MAML1: variants seen among roughly 807,000 people sequenced by gnomAD.
MAML1 encodes mastermind like transcriptional coactivator 1.
MAML1 carries 14 observed loss-of-function variants against 77.1 expected under a neutral mutation model. The observed-to-expected ratio is 0.18, with a 90% confidence interval of 0.12 to 0.28. The LOEUF is 0.28. Ranked by LOEUF, MAML1 falls within the 10% of genes least tolerant of loss-of-function variation. The pLI is 1.00. For synonymous variants in MAML1, 516 were observed against 551.9 expected (o/e 0.93, Z 0.91); for missense variants, 1,217 against 1,327.8 (o/e 0.92, Z 1.30).
chr5:179,759,257 A>G (rs573144560), intron 1 of MAML1, among the ~76,000 whole-genome samples: 4 of 152,182 alleles, frequency 2.6e-5, no homozygotes, highest in Admixed American at 1.3e-4. Flanking sequence ...AGCAGACCCC[A>G]GCATTCAGAA....
intron 1 of MAML1, among the ~76,000 whole-genome samples, chr5:179,746,967 C>T (rs1044580048): frequency 2.6e-5 from 4 of 152,100 alleles, no homozygotes; most frequent in Non-Finnish European, 4.4e-5. Context: ...ATTTCCCAGC[C>T]GCCTACCCCT....
Position 179,733,324 on chromosome 5 carries a change from C to T in MAML1, c.212C>T (p.Ala71Val). ...TGCATCCAGGCCAAGGCCAAGCGCG[C>T]CGGGAAGCACAGGCAGCCGCCCGCC... is the stretch of plus-strand genomic sequence containing the variant. Reference protein sequence around the residue: ...QRCIQAKAKRAGKHRQPPAAT... With the variant: ...QRCIQAKAKRVGKHRQPPAAT... The change falls in exon 1 of 5, where the codon GCC (alanine) becomes GTC (valine). Residue 71 changes from alanine (A) to valine (V), a missense_variant. Ala to Val is a moderately conservative substitution (Grantham distance 64). Around this residue, in one of 3 missense-constraint regions of MAML1, gnomAD observed 312 missense variants for 331.4 expected, o/e 0.94. Coordinates refer to ENST00000292599, the MANE Select transcript of MAML1 (RefSeq NM_014757.5). The T allele has an allele frequency of 7.3e-7, 1 of 1,373,630 alleles. No individual in the cohort carries two copies. 85.1% of individuals were successfully genotyped at this position (1,373,630 alleles called of 1,614,324 possible).
Position 179,769,213 on chromosome 5 carries a change from G to A in MAML1, c.1971+124G>A, listed in dbSNP as rs1755914406. ...GCAGACTTGCGTGCCTGTTGTTAGA[G>A]TGCTTTGCCTTTTAAAAACATCTTT... On this transcript the variant is annotated intron_variant, in intron 3 of 4. Transcript: ENST00000292599. The surrounding 1 kb of genome is among the most constrained non-coding windows in gnomAD (Gnocchi z 4.2). 7.3e-7 allele frequency: 1 copy of A among 1,368,784 alleles called. No homozygotes were observed. Among genetic ancestry groups the A allele is most frequent in the South Asian group, 1.4e-5 (1 of 71,600 alleles). The allele number at this position is 1,368,784 out of a possible 1,614,324, so 84.8% of individuals were successfully genotyped here. A position where few individuals can be genotyped will look rare whatever the true frequency, so the allele number is the denominator to read the frequency against.
At chr5:179,758,319 G>A (rs775174488) in intron 1 of MAML1, among the ~76,000 whole-genome samples, 2 of 151,236 alleles carry the variant, frequency 1.3e-5, no homozygotes, top group Non-Finnish European at 1.5e-5. Flanking sequence ...GACAAATAAT[G>A]TCTTTAAAAG....
At position 179,765,874 on chromosome 5, in the gene MAML1, A is replaced by C. The variant is rs756277424; in HGVS notation, c.864A>C (p.Thr288=). 5.6e-6 allele frequency: 9 copies of C among 1,614,152 alleles called. No homozygotes were observed. The South Asian group carries it at 9.9e-5, about 18-fold the overall frequency. ...KKDPESSGSA[T]QTPLAQDINI... ...ACCCAGAGTCTTCTGGCTCTGCCAC[A>C]CAAACCCCCTTGGCACAGGACATTA... Residue 288 remains threonine, a synonymous_variant, in exon 2 of 5, where the codon ACA becomes ACC. Coordinates refer to ENST00000292599, the MANE Select transcript of MAML1 (RefSeq NM_014757.5).
intron 1 of MAML1, among the ~76,000 whole-genome samples, chr5:179,762,459 G>GCACACGTGGTTCTCCAGCCGAC (rs1779741595): frequency 3.3e-5 from 5 of 152,122 alleles, no homozygotes; most frequent in Admixed American, 2.0e-4. Flanking sequence ...GGAAGGCTGA[G>GCACACGTGGTTCTCCAGCCGAC]CACACGTGGT....
intron 1 of MAML1, among the ~76,000 whole-genome samples, chr5:179,763,533 G>A (rs980972816): frequency 2.6e-5 from 4 of 151,990 alleles, no homozygotes; most frequent in African/African-American, 7.3e-5. Context: ...GATTTATAGA[G>A]CACTGTGTAG....
intron 1 of MAML1, among the ~76,000 whole-genome samples, chr5:179,736,072 G>A (rs1779163148): frequency 6.6e-6 from 1 of 152,140 alleles, no homozygotes; most frequent in Non-Finnish European, 1.5e-5. Flanking sequence ...GGCAGGGAGG[G>A]CTCACACTTG....
chr5:179,753,222 T>TGTGTGTGCGC (rs1491538366), intron 1 of MAML1, among the ~76,000 whole-genome samples: 17 of 31,488 alleles, frequency 5.4e-4, no homozygotes, highest in African/African-American at 1.1e-3. Flanking sequence ...TGTGTGTGTG[T>TGTGTGTGCGC]GCGCGCGCGC....
Position 179,774,621 on chromosome 5 carries a change from G to C in MAML1, c.2795G>C (p.Ser932Thr). ...TAPQQGLPGL[S>T]PAGPELGAFS... ...CCTCAGCAGGGCTTGCCTGGCCTGA[G>C]CCCAGCAGGGCCTGAGCTGGGGGCC... Residue 932 changes from serine to threonine, a missense_variant, in exon 5 of 5, where the codon AGC (serine) becomes ACC (threonine). Coordinates refer to ENST00000292599, the MANE Select transcript of MAML1 (RefSeq NM_014757.5). 6.2e-7 allele frequency: 1 copy of C among 1,611,686 alleles called. No individual in the cohort carries two copies. The highest frequency in any genetic ancestry group is 1.7e-4 in the Middle Eastern group (1 of 6,046).
chr5:179,738,174 T>C (rs960273023), intron 1 of MAML1, among the ~76,000 whole-genome samples: 3 of 152,158 alleles, frequency 2.0e-5, no homozygotes, highest in Admixed American at 2.0e-4. Flanking sequence ...GCCCCATTTG[T>C]TATCATTTGC....
chr5:179,765,592 C>T lies in MAML1; in HGVS notation c.582C>T (p.Ser194=), dbSNP rs373596613. Residue 194 remains serine (S), a synonymous_variant, in exon 2 of 5, where the codon TCC becomes TCT. Transcript: ENST00000292599. ...TCAACAAAAAGCGTCTGGCTGACTC[C>T]AGCCTTCACTTGAATGGAGGCAGTA... ...DSLNKKRLAD[S]SLHLNGGSNP... is the part of the protein sequence containing the mutation. 1 of 1,614,218 alleles carries T rather than the reference C, an allele frequency of 6.2e-7. No individual in the cohort carries two copies. The highest frequency in any genetic ancestry group is 1.3e-5 in the African/African-American group (1 of 75,056).
chr5:179,734,028 G>GTTGACAATT (rs1779118973), intron 1 of MAML1, among the ~76,000 whole-genome samples: 1 of 152,200 alleles, frequency 6.6e-6, no homozygotes, highest in Admixed American at 6.5e-5. Flanking sequence ...CTGCAATATT[G>GTTGACAATT]TTGACAATTC....
In MAML1 at chr5:179,733,184, C is replaced by T. The variant is rs76621265; in HGVS notation, c.72C>T (p.Arg24=). ...PRHSAVMERL[R]RRIELCRRHH... ...ACAGCGCGGTCATGGAGCGCCTTCG[C>T]CGGCGCATCGAGCTGTGCCGGCGCC... Residue 24 remains arginine, a synonymous_variant, in exon 1 of 5, where the codon CGC becomes CGT. Transcript: ENST00000292599. 5,369 of 1,473,000 alleles carry T rather than the reference C, an allele frequency of 3.6e-3. 205 individuals carry two copies. The African/African-American group carries it at 0.072, about 20-fold the overall frequency. The allele number at this position is 1,473,000 out of a possible 1,614,324, so 91.2% of individuals were successfully genotyped here.
Position 179,747,944 on chromosome 5 carries a change from A to G in MAML1, c.315+14517A>G, listed in dbSNP as rs1324841892. On this transcript the variant is annotated intron_variant, in intron 1 of 4. Coordinates refer to ENST00000292599, the MANE Select transcript of MAML1 (RefSeq NM_014757.5). ...ATTCTACTTATTTGAGATGTCTAAA[A>G]TAAACTCATAGAAACAGAAAGTAGA... Among the ~76,000 whole-genome samples, 12 of 152,134 alleles carry G rather than the reference A, an allele frequency of 7.9e-5. 1 individual carries two copies. Among genetic ancestry groups the G allele is most frequent in the Admixed American group, 7.9e-4 (12 of 15,252 alleles).
chr5:179,743,954 GT>G lies in MAML1; in HGVS notation c.315+10532del, dbSNP rs1779332759. ...ATTTAAAAATAAAATGGTTACATCA[GT>G]TTTTAAAATGTAGCCAGTGGAATCC... On this transcript the variant is annotated intron_variant, in intron 1 of 4. Coordinates refer to ENST00000292599, the MANE Select transcript of MAML1 (RefSeq NM_014757.5). 2.0e-5 allele frequency among the ~76,000 whole-genome samples: 3 copies of G among 152,078 alleles called. No homozygotes were observed. In the South Asian group the frequency reaches 6.2e-4, roughly 32 times the overall value.
intron 1 of MAML1, among the ~76,000 whole-genome samples, chr5:179,745,052 C>T (rs899290393): frequency 1.3e-5 from 2 of 151,914 alleles, no homozygotes; most frequent in African/African-American, 2.4e-5. Flanking sequence ...CAGGCTCCTA[C>T]CACCACGCCC....
Position 179,774,000 on chromosome 5 carries a change from A to G in MAML1, c.2174A>G (p.His725Arg), listed in dbSNP as rs200552115. Residue 725 changes from histidine (H) to arginine (R), a missense_variant, in exon 5 of 5, where the codon CAT becomes CGT. This residue lies in a region of MAML1 where 884 missense variants were observed against 949.3 expected (regional missense o/e 0.93). Coordinates refer to ENST00000292599, the MANE Select transcript of MAML1 (RefSeq NM_014757.5). ...AGNLMPMGPGHASVSSLPTNS... is the reference protein window; with the variant it reads ...AGNLMPMGPGRASVSSLPTNS... ...AATCTGATGCCAATGGGCCCTGGAC[A>G]TGCTTCAGTTTCCTCTCTCCCCACA... 1.3e-4 allele frequency: 208 copies of G among 1,614,208 alleles called. 3 individuals are homozygous for G. In the Middle Eastern group the frequency reaches 3.1e-3, roughly 24 times the overall value.
At chr5:179,734,113 C>T (rs1278978753) in intron 1 of MAML1, among the ~76,000 whole-genome samples, 31 of 152,196 alleles carry the variant, frequency 2.0e-4, no homozygotes, top group Admixed American at 2.0e-3. Flanking sequence ...TCCCTTTGGG[C>T]TCTCAGTAAA....
Sources: allele counts gnomAD v4.1 joint callset (sites outside exome capture counted in the v4.1 genomes callset), GRCh38; gene constraint gnomAD v4.1.1; regional missense constraint gnomAD v4.1.1; non-coding constraint Gnocchi (gnomAD v3.1); transcripts MANE v1.5; gene names NCBI Gene and HGNC (gene_info 2026-07-23, HGNC 2026-07-21).